The following BUB1B variants were observed in gnomAD, a reference collection of about 807,000 sequenced individuals.
The protein encoded by BUB1B is mitotic checkpoint serine/threonine-protein kinase BUB1 beta.
BUB1B carries 86 observed loss-of-function variants against 137.7 expected under a neutral mutation model. The observed-to-expected ratio is 0.62, with a 90% CI of 0.52 to 0.75. The LOEUF is 0.75. Among genes scored for constraint, BUB1B ranks in the 30% least tolerant of loss-of-function variants. BUB1B has a pLI of 0.00. For missense variants in BUB1B, 1,130 were observed against 1,236.9 expected, an observed-to-expected ratio of 0.91 and a Z score of 1.30; for synonymous variants, 420 against 417.9, an observed-to-expected ratio of 1.00 and a Z score of -0.06.
At position 40,212,494 on chromosome 15, in the gene BUB1B, T is replaced by C. The variant is rs1020826842; in HGVS notation, c.2386-5T>C. ...AACTTATTTTTAAAATACAATGTCT[T>C]ACAGGTATCTTCTCAACCTGTCCCA... is the stretch of plus-strand genomic sequence containing the variant. On this transcript the variant is annotated splice_polypyrimidine_tract_variant and splice_region_variant and intron_variant, in intron 18 of 22. Transcript: ENST00000287598. 3.1e-6 allele frequency: 5 copies of C among 1,609,164 alleles called. No homozygotes were observed. Among genetic ancestry groups the C allele is most frequent in the Non-Finnish European group, 4.3e-6 (5 of 1,176,336 alleles).
At chr15:40,212,764 G>A in intron 19 of BUB1B, 116 bp downstream of exon 19, 1 of 948,798 alleles carries the variant, frequency 1.1e-6, no homozygotes, top group Non-Finnish European at 1.6e-6. Flanking sequence ...ACCAATTCAA[G>A]TATAAGTTAG....
chr15:40,187,404 A>G (rs8036410), intron 8 of BUB1B, among the ~76,000 whole-genome samples: 151,988 of 152,102 alleles, frequency 1, 75,937 homozygotes, highest in Non-Finnish European at 1. Flanking sequence ...GGGATTACAG[A>G]TGTGAGCCAC....
intron 15 of BUB1B, 105 bp downstream of exon 15, chr15:40,206,563 GGT>G: frequency 7.0e-7 from 1 of 1,420,820 alleles, no homozygotes; most frequent in Non-Finnish European, 9.8e-7. Context: ...CTAACTGCCA[GGT>G]ACTGTGCTAA....
intron 4 of BUB1B, chr15:40,174,016 CAAAA>C (rs979967281): frequency 2.5e-6 from 1 of 397,768 alleles, no homozygotes; most frequent in Non-Finnish European, 4.8e-6. Flanking sequence ...TAAGGGTTAC[CAAAA>C]AAAAGGTTTA....
rs1249923846 is a variant in BUB1B at position 40,170,639 on chromosome 15, ATAT to A, written c.346_348del (p.Tyr116del). ...TAGAAGCACTACAAGGAGAAAAACG[ATAT>A]TATAGTGATCCTCGATTTCTCAATC... On this transcript the variant is annotated inframe_deletion, in exon 4 of 23. Transcript: ENST00000287598. 3 of 1,613,634 alleles carry A rather than the reference ATAT, an allele frequency of 1.9e-6. No homozygotes were observed. The highest frequency in any genetic ancestry group is 1.7e-6 in the Non-Finnish European group (2 of 1,179,756).
intron 4 of BUB1B, among the ~76,000 whole-genome samples, chr15:40,172,166 TAAG>T (rs2037170838): frequency 1.3e-5 from 2 of 150,810 alleles, no homozygotes; most frequent in South Asian, 4.2e-4. Context: ...AGTAATAAAG[TAAG>T]AAATAAATTT....
Position 40,206,049 on chromosome 15 carries a change from C to T in BUB1B, c.1735-135C>T, listed in dbSNP as rs904550100. The T allele has an allele frequency of 9.0e-6, 8 of 885,402 alleles. No homozygotes were observed. The Admixed American group carries it at 1.4e-4, about 16-fold the overall frequency. The allele number at this position is 885,402 out of a possible 1,614,324, so 54.8% of individuals were successfully genotyped here. ...TTTACTGTGTTCATGATATAAAAAC[C>T]TTTTTATATTTGCCTAGATATTCTG... On this transcript the variant is annotated intron_variant, in intron 14 of 22. Coordinates refer to ENST00000287598, the MANE Select transcript of BUB1B (RefSeq NM_001211.6).
intron 8 of BUB1B, among the ~76,000 whole-genome samples, chr15:40,193,982 C>G (rs1394549189): frequency 6.6e-6 from 1 of 152,020 alleles, no homozygotes; most frequent in African/African-American, 2.4e-5. Context: ...CTCAGCCTCC[C>G]AAAGTGCTGG....
chr15:40,201,394 TAAA>T (rs2037567253), intron 12 of BUB1B, among the ~76,000 whole-genome samples: 1 of 152,058 alleles, frequency 6.6e-6, no homozygotes, highest in Non-Finnish European at 1.5e-5. Flanking sequence ...TTGGCAAAAA[TAAA>T]AATAAAAAAC....
intron 14 of BUB1B, among the ~76,000 whole-genome samples, chr15:40,205,409 A>G (rs1459729241): frequency 6.6e-6 from 1 of 152,230 alleles, no homozygotes; most frequent in African/African-American, 2.4e-5. Flanking sequence ...TGTATACTAC[A>G]GGTAAATATG....
chr15:40,169,944 T>C (rs1595510664), intron 2 of BUB1B, 118 bp from the exon 3 acceptor site: 2 of 891,180 alleles, frequency 2.2e-6, no homozygotes, highest in Non-Finnish European at 3.7e-6. Flanking sequence ...CCATAAACTC[T>C]AGTGCAATAA....
At chr15:40,214,013 G>A (rs1001368934) in intron 20 of BUB1B, among the ~76,000 whole-genome samples, 15 of 152,216 alleles carry the variant, frequency 9.9e-5, no homozygotes, top group Admixed American at 6.5e-4. Flanking sequence ...TGAGTATTGT[G>A]ATGATATATG....
chr15:40,189,147 GT>G (rs953561397), intron 8 of BUB1B, among the ~76,000 whole-genome samples: 1 of 150,358 alleles, frequency 6.7e-6, no homozygotes, highest in African/African-American at 2.4e-5. Context: ...TGTGGTCTTT[GT>G]TTTTTTTTGT....
At chr15:40,216,873 A>T (rs112777220) in intron 20 of BUB1B, among the ~76,000 whole-genome samples, 5,829 of 152,046 alleles carry the variant, frequency 0.038, 176 homozygotes, top group Non-Finnish European at 0.063. Context: ...GGATAGATAA[A>T]CCCAAGGAAA....
At chr15:40,203,996 C>T (rs1387650055) in intron 14 of BUB1B, among the ~76,000 whole-genome samples, 1 of 152,200 alleles carries the variant, frequency 6.6e-6, no homozygotes, top group African/African-American at 2.4e-5. Context: ...TTTAAAAGCA[C>T]TTTTTCATTT....
At chr15:40,204,758 T>C (rs184772797) in intron 14 of BUB1B, among the ~76,000 whole-genome samples, 1 of 151,790 alleles carries the variant, frequency 6.6e-6, no homozygotes, top group African/African-American at 2.4e-5. Flanking sequence ...CACCTCAGCC[T>C]CCCAATTAGC....
intron 22 of BUB1B, among the ~76,000 whole-genome samples, chr15:40,219,577 G>A (rs961359084): frequency 6.6e-6 from 1 of 152,116 alleles, no homozygotes; most frequent in African/African-American, 2.4e-5. Flanking sequence ...AAAATTAGCT[G>A]GGTGTGGTGG....
At chr15:40,189,361 C>T (rs1010952593) in intron 8 of BUB1B, among the ~76,000 whole-genome samples, 3 of 151,896 alleles carry the variant, frequency 2.0e-5, no homozygotes, top group East Asian at 1.9e-4. Flanking sequence ...GCTTTCACCA[C>T]GTTGGCCAGG....
intron 6 of BUB1B, among the ~76,000 whole-genome samples, chr15:40,184,490 G>A (rs1473832258): frequency 6.6e-6 from 1 of 152,094 alleles, no homozygotes; most frequent in Non-Finnish European, 1.5e-5. Context: ...ATTTTTTAGA[G>A]TAGTTTTAGG....
Sources: allele counts gnomAD v4.1 joint callset (sites outside exome capture counted in the v4.1 genomes callset), GRCh38; gene constraint gnomAD v4.1.1; transcripts MANE v1.5; gene names NCBI Gene and HGNC (gene_info 2026-07-23, HGNC 2026-07-21).